Variants in PKHD1 observed in about 807,000 individuals in gnomAD.
PKHD1 encodes fibrocystin.
PKHD1 carries 291 observed loss-of-function variants against 412.0 expected under a neutral mutation model. The ratio of observed to expected loss-of-function variants is 0.71; its 90% CI spans 0.64 to 0.78. PKHD1 has a LOEUF of 0.78. Ranked by LOEUF, PKHD1 falls within the 30% of genes least tolerant of loss-of-function variation. PKHD1 has a pLI of 0.00. For synonymous variants in PKHD1, 1,777 were observed against 1,821.5 expected, an observed-to-expected ratio of 0.98 and a Z score of 0.62; for missense variants, 4,825 against 4,950.7, an observed-to-expected ratio of 0.97 and a Z score of 0.76.
intron 55 of PKHD1, among the ~76,000 whole-genome samples, chr6:51,759,998 T>G (rs1027807425): frequency 1.3e-5 from 2 of 152,096 alleles, no homozygotes; most frequent in African/African-American, 4.8e-5. Flanking sequence ...CCCAATAGTT[T>G]ATTGGACCTC....
chr6:51,961,115 G>A (rs912647977), intron 35 of PKHD1, among the ~76,000 whole-genome samples: 2 of 151,984 alleles, frequency 1.3e-5, no homozygotes, highest in African/African-American at 2.4e-5. Context: ...CCACCTAGAA[G>A]GTCCTCTCAT....
In PKHD1 at chr6:51,748,443, T is replaced by C; in HGVS notation, c.9173A>G (p.Tyr3058Cys). ...GHGIDLEGQA[Y>C]TVTNNLVVLM... ...AACCACAAGGTTATTAGTGACAGTA[T>C]AGGCCTGACCCTCTAAATCTATGCC... The change falls in exon 58 of 67, where the codon TAT (tyrosine) becomes TGT (cysteine). Residue 3058 changes from tyrosine to cysteine, a missense_variant. Transcript: ENST00000371117. 7 of 1,614,032 alleles carry C rather than the reference T, an allele frequency of 4.3e-6. No individual in the cohort carries two copies. Among genetic ancestry groups the C allele is most frequent in the Non-Finnish European group, 5.9e-6 (7 of 1,179,950 alleles).
At position 51,847,800 on chromosome 6, in the gene PKHD1, G is replaced by T; in HGVS notation, c.8082C>A (p.Ser2694Arg). ...QNQGCDWFFNSQLRQLTYLVS... is the reference protein window; with the variant it reads ...QNQGCDWFFNRQLRQLTYLVS... ...CCAGATAGGTGAGTTGCCTCAGCTGGCTATTGAAGAACCAGTCACAGCCTT... is the reference window on the plus strand; with the variant it reads ...CCAGATAGGTGAGTTGCCTCAGCTGTCTATTGAAGAACCAGTCACAGCCTT... Residue 2694 changes from serine to arginine, a missense_variant, in exon 50 of 67, where the codon AGC (serine) becomes AGA (arginine). Ser to Arg is a moderately radical substitution (Grantham distance 110). Transcript: ENST00000371117. 1.2e-6 allele frequency: 2 copies of T among 1,613,716 alleles called. No homozygotes were observed. The highest frequency in any genetic ancestry group is 1.7e-6 in the Non-Finnish European group (2 of 1,179,652).
chr6:51,972,384 T>G (rs1175627909), intron 35 of PKHD1, among the ~76,000 whole-genome samples: 1 of 152,210 alleles, frequency 6.6e-6, no homozygotes, highest in Admixed American at 6.5e-5. Flanking sequence ...GCTTTCTGCA[T>G]GTATTGCCTG....
chr6:51,689,840 A>G (rs1281448832), intron 60 of PKHD1, among the ~76,000 whole-genome samples: 6 of 152,236 alleles, frequency 3.9e-5, no homozygotes, highest in Non-Finnish European at 7.3e-5. Flanking sequence ...CAAAGAAATC[A>G]GAGATGACAC....
intron 52 of PKHD1, among the ~76,000 whole-genome samples, chr6:51,796,431 A>C (rs1241032756): frequency 1.6e-5 from 1 of 61,448 alleles, no homozygotes; most frequent in African/African-American, 4.8e-5. Context: ...CTATTTAATT[A>C]GTTTTTTTTT....
At chr6:51,661,515 T>C (rs902014796) in intron 60 of PKHD1, among the ~76,000 whole-genome samples, 1 of 151,924 alleles carries the variant, frequency 6.6e-6, no homozygotes, top group Non-Finnish European at 1.5e-5. Flanking sequence ...CATACTCTAT[T>C]TTTCCCTAAA....
intron 21 of PKHD1, among the ~76,000 whole-genome samples, chr6:52,052,864 A>G (rs1807085678): frequency 2.0e-5 from 3 of 152,180 alleles, no homozygotes; most frequent in Admixed American, 6.5e-5. Flanking sequence ...CAGAAGTAAG[A>G]GAAAATCGTG....
intron 53 of PKHD1, among the ~76,000 whole-genome samples, chr6:51,790,239 C>T (rs1267752737): frequency 6.6e-6 from 1 of 152,128 alleles, no homozygotes; most frequent in African/African-American, 2.4e-5. Flanking sequence ...AAGTAAAATG[C>T]CTTACTAAAG....
chr6:51,824,460 C>T (rs1437759706), intron 52 of PKHD1, among the ~76,000 whole-genome samples: 2 of 152,100 alleles, frequency 1.3e-5, no homozygotes, highest in South Asian at 2.1e-4. Flanking sequence ...GGTGAGGACA[C>T]GACTTTGACA....
chr6:51,952,110 A>T (rs1363470604), intron 36 of PKHD1, among the ~76,000 whole-genome samples: 1 of 152,192 alleles, frequency 6.6e-6, no homozygotes, highest in East Asian at 1.9e-4. Context: ...CCTTTCTCAT[A>T]GCAATGGCTT....
At chr6:51,787,742 G>A (rs1042839939) in intron 53 of PKHD1, among the ~76,000 whole-genome samples, 1 of 152,160 alleles carries the variant, frequency 6.6e-6, no homozygotes, top group Non-Finnish European at 1.5e-5. Flanking sequence ...AATATATAAA[G>A]TAAAACTGGA....
At chr6:51,674,654 TG>T (rs954438779) in intron 60 of PKHD1, among the ~76,000 whole-genome samples, 2 of 152,182 alleles carry the variant, frequency 1.3e-5, no homozygotes, top group African/African-American at 4.8e-5. Flanking sequence ...ACTCCCCTTT[TG>T]GCCTGTGTTT....
chr6:51,755,945 G>C (rs982394541), intron 55 of PKHD1, among the ~76,000 whole-genome samples: 1 of 151,344 alleles, frequency 6.6e-6, no homozygotes, highest in African/African-American at 2.5e-5. Flanking sequence ...AGAGTCTACT[G>C]TATGGGTGTG....
intron 31 of PKHD1, 105 bp from the exon 32 acceptor site, chr6:52,026,286 G>GTGT (rs1802173303): frequency 9.3e-7 from 1 of 1,078,936 alleles, no homozygotes; most frequent in African/African-American, 1.6e-5. Context: ...GGTAGGGCAT[G>GTGT]TGTTAGTGAA....
At chr6:51,836,970 A>G (rs1334262581) in intron 50 of PKHD1, among the ~76,000 whole-genome samples, 2 of 152,144 alleles carry the variant, frequency 1.3e-5, no homozygotes, top group Non-Finnish European at 2.9e-5. Context: ...AACTGAGCAC[A>G]TTTAAAAGGC....
In PKHD1 at chr6:51,883,080, C is replaced by G. The variant is rs773666967; in HGVS notation, c.7350+13G>C. The G allele has an allele frequency of 6.2e-7, 1 of 1,610,742 alleles. No individual in the cohort carries two copies. The highest frequency in any genetic ancestry group is 8.5e-7 in the Non-Finnish European group (1 of 1,177,316). ...TGATTGACAGCCTAAAACAACCACA[C>G]TAAGGCACTTACCTTGTGGGCAAAA... On this transcript the variant is annotated intron_variant, in intron 46 of 66. Transcript: ENST00000371117.
chr6:52,040,473 C>G (rs1331835359), intron 27 of PKHD1, among the ~76,000 whole-genome samples: 1 of 152,070 alleles, frequency 6.6e-6, no homozygotes, highest in Non-Finnish European at 1.5e-5. Flanking sequence ...CATGTCACTT[C>G]ACTTGAAATC....
intron 37 of PKHD1, among the ~76,000 whole-genome samples, chr6:51,914,868 C>G (rs1456434440): frequency 6.6e-6 from 1 of 152,050 alleles, no homozygotes; most frequent in African/African-American, 2.4e-5. Flanking sequence ...CTTCATCTAT[C>G]CTTTTAAAGC....
Sources: allele counts gnomAD v4.1 joint callset (sites outside exome capture counted in the v4.1 genomes callset), GRCh38; gene constraint gnomAD v4.1.1; transcripts MANE v1.5; gene names NCBI Gene and HGNC (gene_info 2026-07-23, HGNC 2026-07-21).